PANX1: variants seen among roughly 807,000 people sequenced by gnomAD.
The protein encoded by PANX1 is pannexin-1.
A neutral mutation model predicts 38.7 loss-of-function variants in PANX1; 30 were observed. The observed-to-expected ratio is 0.78, with a 90% CI of 0.58 to 1.05. The LOEUF (loss-of-function observed/expected upper bound fraction) is 1.05, where lower values mean the gene tolerates loss of function less well. Ranked by LOEUF, PANX1 falls within the 50% of genes least tolerant of loss-of-function variation. The pLI is 0.00. For missense variants in PANX1, 551 were observed against 517.2 expected (o/e 1.07, Z -0.63); for synonymous variants, 230 against 212.2 (o/e 1.08, Z -0.73).
intron 2 of PANX1, among the ~76,000 whole-genome samples, chr11:94,163,266 G>T (rs1947069295): frequency 6.6e-6 from 1 of 152,148 alleles, no homozygotes; most frequent in Admixed American, 6.5e-5. Flanking sequence ...GAGCAAATCA[G>T]GGAATGAAAG....
intron 1 of PANX1, among the ~76,000 whole-genome samples, chr11:94,148,284 G>A (rs1056024855): frequency 1.3e-5 from 2 of 152,110 alleles, no homozygotes; most frequent in Non-Finnish European, 2.9e-5. Context: ...TGAAAGGAGA[G>A]GAATTTGGCT....
rs74961890 is a variant in PANX1 at position 94,153,566 on chromosome 11, C to T, written c.257C>T (p.Ala86Val). The change falls in exon 2 of 5, where the codon GCG becomes GTG. Residue 86 changes from alanine (A) to valine (V), a missense_variant. Physicochemically the swap from Ala to Val is moderately conservative, Grantham distance 64. Transcript: ENST00000227638. ...GCCTTTGTGGATTCATATTGCTGGG[C>T]GGCTGTTCAGCAGAAGAACTCACTG... is the stretch of plus-strand genomic sequence containing the variant. ...QAAFVDSYCW[A>V]AVQQKNSLQS... 8.7e-6 allele frequency: 14 copies of T among 1,613,984 alleles called. No individual in the cohort carries two copies. Among genetic ancestry groups the T allele is most frequent in the Middle Eastern group, 1.7e-4 (1 of 6,060 alleles).
Position 94,180,938 on chromosome 11 carries a change from C to A in PANX1, c.*69C>A. The A allele has an allele frequency of 1.1e-6, 1 of 883,274 alleles. No individual in the cohort carries two copies. Among genetic ancestry groups the A allele is most frequent in the South Asian group, 1.3e-5 (1 of 75,066 alleles). 54.7% of individuals were successfully genotyped at this position (883,274 alleles called of 1,614,324 possible). On this transcript the variant is annotated 3_prime_UTR_variant, in exon 5 of 5. Transcript: ENST00000227638. ...GGGATTTAATTTGGCTAAAGCACCC[C>A]TGTTGGTTTCACAGCTGGTTTGCAA... is the stretch of plus-strand genomic sequence containing the variant.
intron 2 of PANX1, among the ~76,000 whole-genome samples, chr11:94,155,930 C>G (rs1242370015): frequency 1.3e-5 from 2 of 152,144 alleles, no homozygotes; most frequent in Non-Finnish European, 2.9e-5. Context: ...GACCACAGTT[C>G]TAAAGTTTAA....
chr11:94,174,897 C>T (rs1213866475), intron 2 of PANX1, among the ~76,000 whole-genome samples: 1 of 151,688 alleles, frequency 6.6e-6, no homozygotes, highest in Non-Finnish European at 1.5e-5. Flanking sequence ...TTAACTATAA[C>T]CCATTCCAGA....
intron 1 of PANX1, among the ~76,000 whole-genome samples, chr11:94,138,309 A>T (rs894956002): frequency 2.0e-5 from 3 of 151,984 alleles, no homozygotes; most frequent in African/African-American, 7.3e-5. Flanking sequence ...GTTTTTTCGT[A>T]TGTATTTTTT....
At chr11:94,147,795 C>T (rs568954913) in intron 1 of PANX1, among the ~76,000 whole-genome samples, 1 of 152,336 alleles carries the variant, frequency 6.6e-6, no homozygotes, top group Admixed American at 6.5e-5. Context: ...CTGGTGAGGG[C>T]AGTGCTGTCT....
Position 94,180,075 on chromosome 11 carries a change from G to C in PANX1, c.1019G>C (p.Ser340Thr), listed in dbSNP as rs1342911938. Residue 340 changes from serine to threonine, a missense_variant, in exon 4 of 5, where the codon AGT becomes ACT. Ser to Thr is a moderately conservative substitution (Grantham distance 58). Coordinates refer to ENST00000227638, the MANE Select transcript of PANX1 (RefSeq NM_015368.4). Reference protein sequence around the residue: ...LYNLFLEENISEVKSYKCLKV... With the variant: ...LYNLFLEENITEVKSYKCLKV... ...AATCTCTTCTTGGAGGAAAATATAA[G>C]TGAGGTCAAGTCATACAAGTGTCTT... The C allele has an allele frequency of 6.2e-7, 1 of 1,613,690 alleles. No individual in the cohort carries two copies. The highest frequency in any genetic ancestry group is 1.7e-5 in the Admixed American group (1 of 59,998).
At chr11:94,130,441 TC>T (rs2134469143) in intron 1 of PANX1, among the ~76,000 whole-genome samples, 1 of 152,298 alleles carries the variant, frequency 6.6e-6, no homozygotes, top group African/African-American at 2.4e-5. Context: ...AAGTCAGAGT[TC>T]CTGGAGTCTG....
At chr11:94,133,507 A>G (rs1258377331) in intron 1 of PANX1, among the ~76,000 whole-genome samples, 2 of 151,998 alleles carry the variant, frequency 1.3e-5, no homozygotes, top group African/African-American at 4.8e-5. Context: ...AGTGGCAAGG[A>G]GACTCTTCTG....
rs1253415280 is a variant in PANX1, at chr11:94,153,559, T to C, written c.250T>C (p.Cys84Arg). 1 of 1,614,118 alleles carries C rather than the reference T, an allele frequency of 6.2e-7. No homozygotes were observed. The highest frequency in any genetic ancestry group is 1.1e-5 in the South Asian group (1 of 91,072). ...WRQAAFVDSYCWAAVQQKNSL... is the reference protein window; with the variant it reads ...WRQAAFVDSYRWAAVQQKNSL... ...TCAGGCTGCCTTTGTGGATTCATAT[T>C]GCTGGGCGGCTGTTCAGCAGAAGAA... Residue 84 changes from cysteine to arginine, a missense_variant, in exon 2 of 5, where the codon TGC becomes CGC. Physicochemically the swap from Cys to Arg is radical, Grantham distance 180. Transcript: ENST00000227638.
chr11:94,165,178 T>C (rs1044973606), intron 2 of PANX1, among the ~76,000 whole-genome samples: 22 of 152,130 alleles, frequency 1.4e-4, no homozygotes, highest in African/African-American at 5.1e-4. Flanking sequence ...TTCAATGTGA[T>C]TATTGATAGG....
chr11:94,176,391 C>A (rs1256838507), intron 2 of PANX1, among the ~76,000 whole-genome samples: 1 of 151,544 alleles, frequency 6.6e-6, no homozygotes, highest in Non-Finnish European at 1.5e-5. Context: ...GCAGTGAGTA[C>A]CCTGGATTGG....
Position 94,178,535 on chromosome 11 carries a change from T to G in PANX1, c.488T>G (p.Leu163Arg). 2 of 1,614,130 alleles carry G rather than the reference T, an allele frequency of 1.2e-6. No homozygotes were observed. Among genetic ancestry groups the G allele is most frequent in the Non-Finnish European group, 1.7e-6 (2 of 1,180,016 alleles). The change falls in exon 3 of 5, where the codon CTT becomes CGT. Residue 163 changes from leucine (L) to arginine (R), a missense_variant. Coordinates refer to ENST00000227638, the MANE Select transcript of PANX1 (RefSeq NM_015368.4). ...AAGGCTGCAAAGAGTGCGCGTGACC[T>G]TGACATGAGAGATGGAGCCTGCTCA... Reference protein sequence around the residue: ...AIKAAKSARDLDMRDGACSVP... With the variant: ...AIKAAKSARDRDMRDGACSVP...
At position 94,157,790 on chromosome 11, in the gene PANX1, G is replaced by T. The variant is rs1253273516; in HGVS notation, c.321+4160G>T. Among the ~76,000 whole-genome samples the T allele has an allele frequency of 2.0e-5, 3 of 152,138 alleles. No individual in the cohort carries two copies. In the East Asian group the frequency reaches 5.8e-4, roughly 29 times the overall value. ...TTTGGCTTTTGTTGCCATTGCTTTTGGTGTTTTAGACATGAAGTCCTTGCC... is the reference window on the plus strand; with the variant it reads ...TTTGGCTTTTGTTGCCATTGCTTTTTGTGTTTTAGACATGAAGTCCTTGCC... On this transcript the variant is annotated intron_variant, in intron 2 of 4. Transcript: ENST00000227638.
At chr11:94,143,890 A>G (rs2134483317) in intron 1 of PANX1, among the ~76,000 whole-genome samples, 1 of 152,224 alleles carries the variant, frequency 6.6e-6, no homozygotes, top group East Asian at 1.9e-4. Flanking sequence ...GTGGGACCAC[A>G]GGCGCACGCC....
intron 2 of PANX1, 109 bp from the exon 3 acceptor site, chr11:94,178,260 C>A: frequency 1.2e-6 from 1 of 825,112 alleles, no homozygotes; most frequent in Non-Finnish European, 2.0e-6. Flanking sequence ...GCCCAATTTC[C>A]ACAATACACA....
chr11:94,174,150 T>A (rs1947202118), intron 2 of PANX1, among the ~76,000 whole-genome samples: 1 of 151,600 alleles, frequency 6.6e-6, no homozygotes, highest in Admixed American at 6.6e-5. Context: ...CCCACCCTAA[T>A]TTATCATGAC....
At chr11:94,155,676 C>T (rs1946941641) in intron 2 of PANX1, among the ~76,000 whole-genome samples, 1 of 152,114 alleles carries the variant, frequency 6.6e-6, no homozygotes, top group Admixed American at 6.5e-5. Context: ...AGAGGTTGTT[C>T]ATGCTGTATC....
Sources: gnomAD v4.1 joint callset for allele counts (sites outside exome capture counted in the v4.1 genomes callset) on GRCh38, gnomAD v4.1.1 for gene constraint, MANE v1.5 for transcripts, NCBI Gene and HGNC (gene_info 2026-07-23, HGNC 2026-07-21) for gene names.